Variants in SPIDR observed in about 807,000 individuals in gnomAD.
The protein encoded by SPIDR is DNA repair-scaffolding protein.
SPIDR carries 93 observed loss-of-function variants against 104.6 expected under a neutral mutation model. That is an observed-to-expected ratio of 0.89 (90% CI 0.75 to 1.06). The LOEUF (loss-of-function observed/expected upper bound fraction) is 1.06. Ranked by LOEUF, SPIDR falls within the 50% of genes least tolerant of loss-of-function variation. The pLI, the probability that SPIDR is intolerant of heterozygous loss-of-function variation, is 0.00. For synonymous variants in SPIDR, 431 were observed against 416.9 expected (o/e 1.03, Z -0.41); for missense variants, 1,154 against 1,111.2 (o/e 1.04, Z -0.55).
intron 3 of SPIDR, among the ~76,000 whole-genome samples, chr8:47,290,199 G>T (rs1283181452): frequency 6.6e-6 from 1 of 151,978 alleles, no homozygotes; most frequent in Non-Finnish European, 1.5e-5. Flanking sequence ...CCGCAACCAC[G>T]CCTGGCTAAT....
At chr8:47,555,309 A>G (rs1011572437) in intron 8 of SPIDR, among the ~76,000 whole-genome samples, 2 of 152,230 alleles carry the variant, frequency 1.3e-5, no homozygotes, top group Non-Finnish European at 2.9e-5. Context: ...GAATTGAGAA[A>G]TATTCATTCC....
At chr8:47,332,089 G>A (rs1309549138) in intron 5 of SPIDR, among the ~76,000 whole-genome samples, 3 of 78,868 alleles carry the variant, frequency 3.8e-5, no homozygotes, top group Admixed American at 1.6e-4. Flanking sequence ...ATGCTGGTGC[G>A]CTGCACCCAC....
intron 10 of SPIDR, among the ~76,000 whole-genome samples, chr8:47,614,347 A>T (rs1588405032): frequency 6.6e-6 from 1 of 152,074 alleles, no homozygotes; most frequent in East Asian, 1.9e-4. Context: ...TCAGCCTCCC[A>T]GGTAGCTGGG....
intron 10 of SPIDR, among the ~76,000 whole-genome samples, chr8:47,621,162 G>A (rs544385976): frequency 5.9e-5 from 9 of 151,772 alleles, no homozygotes; most frequent in African/African-American, 9.7e-5. Flanking sequence ...TCACCATGTT[G>A]GCCAGGATGG....
At chr8:47,393,679 TTTCCTTTCC>T (rs2060884463) in intron 5 of SPIDR, among the ~76,000 whole-genome samples, 8 of 9,284 alleles carry the variant, frequency 8.6e-4, no homozygotes, top group African/African-American at 1.4e-3. Context: ...TCCTTTTTCC[TTTCCTTTCC>T]TTTCCTTTCC....
chr8:47,630,563 C>T (rs1318958338), intron 10 of SPIDR, among the ~76,000 whole-genome samples: 2 of 152,224 alleles, frequency 1.3e-5, no homozygotes, highest in Non-Finnish European at 2.9e-5. Context: ...CTACTGTTTA[C>T]TGTCCACATA....
chr8:47,691,165 G>A (rs1460306617), intron 11 of SPIDR, among the ~76,000 whole-genome samples: 3 of 151,454 alleles, frequency 2.0e-5, no homozygotes, highest in East Asian at 3.9e-4. Flanking sequence ...GGTGGTGCAC[G>A]CCTGTAATCC....
At chr8:47,310,272 C>A (rs997744864) in intron 5 of SPIDR, among the ~76,000 whole-genome samples, 4 of 146,284 alleles carry the variant, frequency 2.7e-5, no homozygotes. Context: ...AGGTGGAGGT[C>A]GCAGTGAGCT....
chr8:47,597,874 C>A (rs753694438), intron 9 of SPIDR, among the ~76,000 whole-genome samples: 4 of 152,190 alleles, frequency 2.6e-5, no homozygotes, highest in Non-Finnish European at 2.9e-5. Flanking sequence ...TCCCAGTGCA[C>A]TGGCCTCAAG....
In SPIDR at chr8:47,487,618, C is replaced by T. The variant is rs569816303; in HGVS notation, c.1097+47076C>T. Among the ~76,000 whole-genome samples, 4 of 152,260 alleles carry T rather than the reference C, an allele frequency of 2.6e-5. No individual in the cohort carries two copies. The East Asian group carries it at 5.8e-4, about 22-fold the overall frequency. On this transcript the variant is annotated intron_variant, in intron 8 of 19. Transcript: ENST00000297423. ...ACATAGTTGGAAGTAAAGCACTCCT[C>T]AGCAAATGTATAAGAACAGAAATTA...
chr8:47,583,253 C>T (rs2059920326), intron 8 of SPIDR, among the ~76,000 whole-genome samples: 1 of 149,596 alleles, frequency 6.7e-6, no homozygotes, highest in Non-Finnish European at 1.5e-5. Context: ...GTGCAGTGAG[C>T]CAAGATCGCG....
chr8:47,267,938 A>G (rs1221280489), intron 1 of SPIDR, among the ~76,000 whole-genome samples: 1 of 152,112 alleles, frequency 6.6e-6, no homozygotes, highest in Non-Finnish European at 1.5e-5. Flanking sequence ...ATTTATTCCT[A>G]TGTTTTCTTC....
At chr8:47,475,269 C>T (rs981291246) in intron 8 of SPIDR, among the ~76,000 whole-genome samples, 2 of 152,218 alleles carry the variant, frequency 1.3e-5, no homozygotes, top group Non-Finnish European at 2.9e-5. Context: ...GCACACCCTG[C>T]CCTCAATTCA....
chr8:47,719,747 C>G (rs1241711435), intron 16 of SPIDR, among the ~76,000 whole-genome samples: 1 of 151,876 alleles, frequency 6.6e-6, no homozygotes, highest in African/African-American at 2.4e-5. Context: ...GCCAGGGCCC[C>G]CACATCTCCC....
chr8:47,483,878 TGA>T (rs1554728895), intron 8 of SPIDR, among the ~76,000 whole-genome samples: 1 of 152,004 alleles, frequency 6.6e-6, no homozygotes, highest in Non-Finnish European at 1.5e-5. Context: ...GAAGCGAGTA[TGA>T]GAGAGGATGG....
intron 7 of SPIDR, among the ~76,000 whole-genome samples, chr8:47,417,574 G>C (rs1243799917): frequency 2.6e-5 from 4 of 152,138 alleles, no homozygotes; most frequent in Admixed American, 2.6e-4. Flanking sequence ...TCTATAGGTT[G>C]CCTGTTCACT....
chr8:47,368,210 C>T (rs183898169), intron 5 of SPIDR, among the ~76,000 whole-genome samples: 26 of 151,930 alleles, frequency 1.7e-4, no homozygotes, highest in Middle Eastern at 3.4e-3. Context: ...ACCTGATTAC[C>T]TCCCAAAAGT....
chr8:47,383,426 G>C (rs1307569251), intron 5 of SPIDR, among the ~76,000 whole-genome samples: 1 of 152,104 alleles, frequency 6.6e-6, no homozygotes, highest in East Asian at 1.9e-4. Flanking sequence ...TAAAGTAATG[G>C]GCCGGAAATG....
chr8:47,363,796 G>A (rs782398029), intron 5 of SPIDR, among the ~76,000 whole-genome samples: 21 of 151,602 alleles, frequency 1.4e-4, no homozygotes, highest in Non-Finnish European at 2.8e-4. Flanking sequence ...AGGGTGTGGT[G>A]GCCAGCTACC....
Sources: allele counts gnomAD v4.1 joint callset (sites outside exome capture counted in the v4.1 genomes callset), GRCh38; gene constraint gnomAD v4.1.1; transcripts MANE v1.5; gene names NCBI Gene and HGNC (gene_info 2026-07-23, HGNC 2026-07-21).